Variants in SUCLG1 observed in about 807,000 individuals in gnomAD.
The protein encoded by SUCLG1 is succinate--CoA ligase [ADP/GDP-forming] subunit alpha, mitochondrial.
In SUCLG1, 26 loss-of-function variants were observed where a neutral mutation model predicts 37.3. The ratio of observed to expected loss-of-function variants is 0.70; its 90% confidence interval spans 0.51 to 0.97. SUCLG1 has a LOEUF of 0.97. Among genes scored for constraint, SUCLG1 ranks in the 50% least tolerant of loss-of-function variants. The pLI is 0.00. For missense variants in SUCLG1, 433 were observed against 432.9 expected, an observed-to-expected ratio of 1.00 and a Z score of 0.00; for synonymous variants, 163 against 155.6, an observed-to-expected ratio of 1.05 and a Z score of -0.36.
intron 2 of SUCLG1, among the ~76,000 whole-genome samples, chr2:84,448,170 G>GGA (rs1485985544): frequency 2.2e-5 from 3 of 137,712 alleles, no homozygotes; most frequent in African/African-American, 8.1e-5. Context: ...AGTTATTTCA[G>GGA]AAAAAAAAAA....
chr2:84,450,213 T>C (rs893094303), intron 1 of SUCLG1, among the ~76,000 whole-genome samples: 3 of 152,150 alleles, frequency 2.0e-5, no homozygotes, highest in Non-Finnish European at 4.4e-5. Flanking sequence ...AGGCAAACTT[T>C]GTCAGGAATA....
intron 7 of SUCLG1, chr2:84,427,068 A>G (rs1003625294): frequency 1.3e-5 from 2 of 153,816 alleles, no homozygotes; most frequent in African/African-American, 4.8e-5. Flanking sequence ...GCGTTATTTT[A>G]CCACTTATAT....
rs546766483 is a variant in SUCLG1 at position 84,429,170 on chromosome 2, T to C, written c.825+2338A>G. Among the ~76,000 whole-genome samples, 8 of 152,288 alleles carry C rather than the reference T, an allele frequency of 5.3e-5. No homozygotes were observed. The East Asian group carries it at 1.5e-3, about 29-fold the overall frequency. On this transcript the variant is annotated intron_variant, in intron 7 of 8. Transcript: ENST00000393868. Reference sequence around the variant, plus strand: ...CTGAACTGCTTAACTTACAATCTTGTACACATTAGGTTCTCAATAAAAATT... The same window carrying C: ...CTGAACTGCTTAACTTACAATCTTGCACACATTAGGTTCTCAATAAAAATT...
chr2:84,427,361 G>A (rs1347123865), intron 7 of SUCLG1, among the ~76,000 whole-genome samples: 1 of 152,176 alleles, frequency 6.6e-6, no homozygotes, highest in Non-Finnish European at 1.5e-5. Context: ...TCTGTCCCTT[G>A]TTAATTTAAA....
At chr2:84,441,950 C>T (rs1672780489) in intron 3 of SUCLG1, among the ~76,000 whole-genome samples, 1 of 152,124 alleles carries the variant, frequency 6.6e-6, no homozygotes, top group South Asian at 2.1e-4. Context: ...TCTACAAATA[C>T]TGCCAGAAGC....
chr2:84,429,975 G>A (rs932802300), intron 7 of SUCLG1, among the ~76,000 whole-genome samples: 1 of 152,210 alleles, frequency 6.6e-6, no homozygotes, highest in Non-Finnish European at 1.5e-5. Context: ...AACCTCTGAT[G>A]TCTCAGAGAC....
chr2:84,451,625 C>T (rs1415587484), intron 1 of SUCLG1, among the ~76,000 whole-genome samples: 1 of 152,182 alleles, frequency 6.6e-6, no homozygotes, highest in Non-Finnish European at 1.5e-5. Flanking sequence ...GATTTTACAA[C>T]ATCAGATCTT....
At chr2:84,449,857 G>T in intron 1 of SUCLG1, 105 bp from the exon 2 acceptor site, 1 of 823,002 alleles carries the variant, frequency 1.2e-6, no homozygotes, top group Non-Finnish European at 1.9e-6. Context: ...ATTCTTTAAT[G>T]CACGCGCTAT....
In SUCLG1 at chr2:84,443,110, C is replaced by A. The variant is rs147130548; in HGVS notation, c.318+174G>T. 1,589 of 691,390 alleles carry A rather than the reference C, an allele frequency of 2.3e-3. 19 individuals are homozygous for A. The African/African-American group carries it at 0.023, about 10-fold the overall frequency. The allele number at this position is 691,390 out of a possible 1,614,324, so 42.8% of individuals were successfully genotyped here. The stretch of plus-strand genomic sequence containing the variant: ...TTCCTCCCTTAATAGCTGATTCATA[C>A]CTAGAAACAAAAATAACACACTGGT... On this transcript the variant is annotated intron_variant, in intron 3 of 8. Coordinates refer to ENST00000393868, the MANE Select transcript of SUCLG1 (RefSeq NM_003849.4).
chr2:84,458,009 T>C (rs182541168), intron 1 of SUCLG1, among the ~76,000 whole-genome samples: 7 of 151,768 alleles, frequency 4.6e-5, no homozygotes, highest in Admixed American at 2.6e-4. Flanking sequence ...AGAAAGGAAT[T>C]AAGTCTCATA....
At chr2:84,443,075 G>A (rs1403021943) in intron 3 of SUCLG1, 12 of 574,318 alleles carry the variant, frequency 2.1e-5, no homozygotes, top group Non-Finnish European at 3.8e-5. Flanking sequence ...CAGAAGCCTG[G>A]CCACAGTACT....
chr2:84,443,481 G>C (rs944660501), intron 2 of SUCLG1, 81 bp from the exon 3 acceptor site: 20 of 1,209,728 alleles, frequency 1.7e-5, no homozygotes, highest in Non-Finnish European at 2.3e-5. Flanking sequence ...TAGCAACTTA[G>C]GAAAAGAAAA....
intron 7 of SUCLG1, 152 bp downstream of exon 7, chr2:84,431,356 T>G: frequency 1.2e-6 from 1 of 849,152 alleles, no homozygotes; most frequent in Non-Finnish European, 1.8e-6. Context: ...AATACAGAAT[T>G]GTCTGAGTGT....
chr2:84,430,009 C>T (rs1672592192), intron 7 of SUCLG1, among the ~76,000 whole-genome samples: 1 of 152,082 alleles, frequency 6.6e-6, no homozygotes, highest in Admixed American at 6.5e-5. Context: ...TGAGTAGAAA[C>T]AGGATAAGAG....
chr2:84,441,797 T>G (rs866802733), intron 3 of SUCLG1, among the ~76,000 whole-genome samples: 1 of 152,266 alleles, frequency 6.6e-6, no homozygotes, highest in Middle Eastern at 3.4e-3. Context: ...AAAAATAATT[T>G]TTTAAAACTC....
At chr2:84,451,142 G>A (rs1357342286) in intron 1 of SUCLG1, among the ~76,000 whole-genome samples, 1 of 152,080 alleles carries the variant, frequency 6.6e-6, no homozygotes, top group Non-Finnish European at 1.5e-5. Context: ...TCTTGCCCTT[G>A]GCTTCCACTT....
rs1672660040 is a variant in SUCLG1, at chr2:84,434,735, C to CTG, written c.590-1301_590-1300insCA. Among the ~76,000 whole-genome samples, 4 of 152,070 alleles carry CTG rather than the reference C, an allele frequency of 2.6e-5. No homozygotes were observed. The East Asian group carries it at 7.7e-4, about 29-fold the overall frequency. ...ATTCTTGTCAACCTGAGACAAAAACCATAACTATAAGTTACCTCAACTTCC... is the reference window on the plus strand; with the variant it reads ...ATTCTTGTCAACCTGAGACAAAAACCTGATAACTATAAGTTACCTCAACTTCC... On this transcript the variant is annotated intron_variant, in intron 5 of 8. Transcript: ENST00000393868.
chr2:84,442,083 A>G (rs1672782305), intron 3 of SUCLG1, among the ~76,000 whole-genome samples: 1 of 152,170 alleles, frequency 6.6e-6, no homozygotes, highest in Non-Finnish European at 1.5e-5. Context: ...ATCTGTCAAA[A>G]AACTTATAGA....
intron 1 of SUCLG1, among the ~76,000 whole-genome samples, chr2:84,456,634 T>G (rs1673023868): frequency 1.3e-5 from 2 of 152,086 alleles, no homozygotes; most frequent in South Asian, 4.1e-4. Context: ...TTCATTGTAT[T>G]TTCTCTCTCC....
Sources: allele counts gnomAD v4.1 joint callset (sites outside exome capture counted in the v4.1 genomes callset), GRCh38; gene constraint gnomAD v4.1.1; transcripts MANE v1.5; gene names NCBI Gene and HGNC (gene_info 2026-07-23, HGNC 2026-07-21).